KALRN: variants seen among roughly 807,000 people sequenced by gnomAD.
KALRN encodes kalirin RhoGEF kinase.
In KALRN, 70 loss-of-function variants were observed where a neutral mutation model predicts 353.7. That is an observed-to-expected ratio of 0.20 (90% CI 0.16 to 0.24). KALRN has a LOEUF of 0.24. Among genes scored for constraint, KALRN ranks in the 10% least tolerant of loss-of-function variants. The pLI is 1.00. For synonymous variants in KALRN, 1,391 were observed against 1,434.8 expected (o/e 0.97, Z 0.69); for missense variants, 2,791 against 3,756.7 (o/e 0.74, Z 6.72).
At position 124,723,490 on chromosome 3, in the gene KALRN, A is replaced by T. The variant is rs1003910503; in HGVS notation, c.*4020A>T. 1.3e-5 allele frequency: 2 copies of T among 152,120 alleles called. No individual in the cohort carries two copies. The highest frequency in any genetic ancestry group is 2.9e-5 in the Non-Finnish European group (2 of 67,990). The allele number at this position is 152,120 out of a possible 1,614,324, so 9.4% of individuals were successfully genotyped here. On this transcript the variant is annotated 3_prime_UTR_variant, in exon 60 of 60. Transcript: ENST00000682506. ...GTGGGGACATCTATAAAATACTTTG[A>T]TTTTTTTAAGTGCTACACACTGCCA...
At chr3:124,233,988 A>G (rs1160932852) in intron 2 of KALRN, among the ~76,000 whole-genome samples, 1 of 152,250 alleles carries the variant, frequency 6.6e-6, no homozygotes, top group Admixed American at 6.5e-5. Context: ...AATACATTTT[A>G]AAATCATGTA....
chr3:124,641,003 T>C (rs1251195859), intron 37 of KALRN, among the ~76,000 whole-genome samples: 1 of 152,192 alleles, frequency 6.6e-6, no homozygotes, highest in Non-Finnish European at 1.5e-5. Context: ...CACGGAATTC[T>C]GCTTTAGAAT....
intron 25 of KALRN, among the ~76,000 whole-genome samples, chr3:124,469,989 A>G (rs2060727526): frequency 6.6e-6 from 1 of 152,200 alleles, no homozygotes; most frequent in Non-Finnish European, 1.5e-5. Flanking sequence ...ATTTAATGAC[A>G]AAACTCAGAA....
chr3:124,100,736 G>A (rs1920616), intron 1 of KALRN, among the ~76,000 whole-genome samples: 134,929 of 152,228 alleles, frequency 0.89, 60,482 homozygotes, highest in East Asian at 1. Context: ...CCAGAAACCA[G>A]CTGTTCTCAC....
chr3:124,401,933 AG>A (rs1269868300), intron 13 of KALRN, among the ~76,000 whole-genome samples: 3 of 152,154 alleles, frequency 2.0e-5, no homozygotes, highest in Admixed American at 1.3e-4. Context: ...TGTGAAACTG[AG>A]GGTGGTTTCT....
chr3:124,469,206 C>A (rs1577188746), intron 25 of KALRN, among the ~76,000 whole-genome samples: 1 of 152,188 alleles, frequency 6.6e-6, no homozygotes, highest in East Asian at 1.9e-4. Flanking sequence ...CAACAGGTAA[C>A]CATGCAGCAA....
chr3:124,054,352 A>G (rs1469890905), intron 1 of KALRN, among the ~76,000 whole-genome samples: 1 of 8,736 alleles, frequency 1.1e-4, no homozygotes. Flanking sequence ...GCAAGACCCC[A>G]TCACTTAAAA....
At chr3:124,526,582 A>C (rs2067611872) in intron 33 of KALRN, among the ~76,000 whole-genome samples, 1 of 152,142 alleles carries the variant, frequency 6.6e-6, no homozygotes, top group Non-Finnish European at 1.5e-5. Context: ...CTCAAAAAAT[A>C]ATAATAATAA....
intron 34 of KALRN, among the ~76,000 whole-genome samples, chr3:124,598,866 A>C (rs1257194668): frequency 6.6e-6 from 1 of 152,186 alleles, no homozygotes; most frequent in Non-Finnish European, 1.5e-5. Flanking sequence ...AATAGAGACA[A>C]GGTCTTGCCA....
intron 33 of KALRN, among the ~76,000 whole-genome samples, chr3:124,560,866 G>T (rs1419150216): frequency 2.6e-5 from 4 of 152,192 alleles, no homozygotes; most frequent in African/African-American, 9.7e-5. Flanking sequence ...TTCAGAATGA[G>T]ACCCTGTCTG....
rs1345916676 is a variant in KALRN at position 124,529,005 on chromosome 3, G to A, written c.4935+32592G>A. On this transcript the variant is annotated intron_variant, in intron 33 of 59. Coordinates refer to ENST00000682506, the MANE Select transcript of KALRN (RefSeq NM_001388419.1). ...TTTTGAACATGACTCAGACTCATCT[G>A]TAGATTGCAAAAACTTTTGAACTTA... 2.0e-5 allele frequency among the ~76,000 whole-genome samples: 3 copies of A among 152,148 alleles called. No homozygotes were observed. In the East Asian group the frequency reaches 5.8e-4, roughly 29 times the overall value.
intron 58 of KALRN, 58 bp from the exon 59 acceptor site, chr3:124,717,189 A>AT: frequency 1.3e-6 from 2 of 1,495,228 alleles, no homozygotes; most frequent in Middle Eastern, 1.8e-4. Context: ...TACATGTGTT[A>AT]TTTTTCTATT....
intron 1 of KALRN, among the ~76,000 whole-genome samples, chr3:124,069,587 C>G (rs966922074): frequency 1.3e-5 from 2 of 152,154 alleles, no homozygotes; most frequent in African/African-American, 4.8e-5. Context: ...AGTAGAAAAT[C>G]AAACAATGTA....
chr3:124,636,142 G>T (rs959699689), intron 36 of KALRN, among the ~76,000 whole-genome samples: 3 of 152,138 alleles, frequency 2.0e-5, no homozygotes, highest in Non-Finnish European at 4.4e-5. Context: ...CAGAAGCAAA[G>T]ACTTAATAAA....
intron 27 of KALRN, among the ~76,000 whole-genome samples, chr3:124,478,041 C>T (rs1201792211): frequency 6.6e-6 from 1 of 152,146 alleles, no homozygotes; most frequent in African/African-American, 2.4e-5. Flanking sequence ...ATGACACAAT[C>T]CTGTTGGCAA....
chr3:124,042,337 A>T (rs2040039143), intron 1 of KALRN, among the ~76,000 whole-genome samples: 1 of 152,196 alleles, frequency 6.6e-6, no homozygotes, highest in Non-Finnish European at 1.5e-5. Flanking sequence ...AAGGCCAATG[A>T]ATTTGGTCTT....
chr3:124,713,085 T>G lies in KALRN; in HGVS notation c.8226T>G (p.Thr2742=). 1 of 1,614,006 alleles carries G rather than the reference T, an allele frequency of 6.2e-7. No individual in the cohort carries two copies. The highest frequency in any genetic ancestry group is 8.5e-7 in the Non-Finnish European group (1 of 1,179,960). Residue 2742 remains threonine, a synonymous_variant, in exon 58 of 60, where the codon ACT becomes ACG. Transcript: ENST00000682506. ...ACCTACAGCACCCCCAGTACATCAC[T>G]CTCCATGACACCTATGAGTCCCCCA... ...LQHLQHPQYI[T]LHDTYESPTS...
chr3:124,351,630 A>T (rs914703208), intron 10 of KALRN, among the ~76,000 whole-genome samples: 1 of 152,178 alleles, frequency 6.6e-6, no homozygotes, highest in Non-Finnish European at 1.5e-5. Context: ...GAACAAATAC[A>T]TTTCCACCCT....
At chr3:124,656,477 G>A (rs1245899879) in intron 39 of KALRN, among the ~76,000 whole-genome samples, 2 of 152,160 alleles carry the variant, frequency 1.3e-5, no homozygotes, top group Non-Finnish European at 2.9e-5. Context: ...CGGGCGTGGT[G>A]GTGGGCGCCT....
Sources: gnomAD v4.1 joint callset for allele counts (sites outside exome capture counted in the v4.1 genomes callset) on GRCh38, gnomAD v4.1.1 for gene constraint, MANE v1.5 for transcripts, NCBI Gene and HGNC (gene_info 2026-07-23, HGNC 2026-07-21) for gene names.